FAM110B: variants seen among roughly 807,000 people sequenced by gnomAD.
The protein encoded by FAM110B is family with sequence similarity 110 member B, also known as protein FAM110B.
Under a neutral mutation model 20.4 loss-of-function variants are expected in FAM110B, and 6 were observed. The ratio of observed to expected loss-of-function variants is 0.29; its 90% CI spans 0.16 to 0.58. The LOEUF (loss-of-function observed/expected upper bound fraction) is 0.58, where lower values mean the gene tolerates loss of function less well. FAM110B is among the 20% of genes least tolerant of loss of function. The pLI is 0.90. For missense variants in FAM110B, 434 were observed against 498.2 expected, an observed-to-expected ratio of 0.87 and a Z score of 1.23; for synonymous variants, 226 against 214.1, an observed-to-expected ratio of 1.06 and a Z score of -0.49.
intron 3 of FAM110B, among the ~76,000 whole-genome samples, chr8:58,140,930 A>C (rs1323075857): frequency 6.6e-6 from 1 of 152,062 alleles, no homozygotes; most frequent in East Asian, 1.9e-4. Flanking sequence ...TCTTTTTTTT[A>C]AGTTCAGGAT....
intron 3 of FAM110B, among the ~76,000 whole-genome samples, chr8:58,115,118 A>G (rs1452520513): frequency 1.3e-5 from 2 of 151,648 alleles, no homozygotes; most frequent in Admixed American, 6.6e-5. Flanking sequence ...AAAATATTTC[A>G]TTGCTCATCG....
intron 1 of FAM110B, among the ~76,000 whole-genome samples, chr8:57,995,533 T>C (rs1804167288): frequency 6.6e-6 from 1 of 152,170 alleles, no homozygotes; most frequent in Non-Finnish European, 1.5e-5. Flanking sequence ...CCATACAGGC[T>C]GTGGGAAGCC....
intron 1 of FAM110B, among the ~76,000 whole-genome samples, chr8:58,028,871 T>G (rs536283616): frequency 6.6e-6 from 1 of 152,190 alleles, no homozygotes; most frequent in East Asian, 1.9e-4. Context: ...GAAAACCGCA[T>G]GTGGATTTAC....
chr8:58,020,957 C>A (rs1804740404), intron 1 of FAM110B, among the ~76,000 whole-genome samples: 1 of 152,152 alleles, frequency 6.6e-6, no homozygotes. Flanking sequence ...CCAGAAAAGG[C>A]TACTTTCTTC....
At chr8:58,138,039 C>T (rs549930504) in intron 3 of FAM110B, among the ~76,000 whole-genome samples, 1 of 152,348 alleles carries the variant, frequency 6.6e-6, no homozygotes, top group East Asian at 1.9e-4. Context: ...TGCTCCTTAT[C>T]AGACGGCTCT....
chr8:58,079,725 G>T (rs528604209), intron 3 of FAM110B, among the ~76,000 whole-genome samples: 21 of 152,044 alleles, frequency 1.4e-4, no homozygotes, highest in African/African-American at 4.8e-4. Context: ...AGGCTGCAGT[G>T]AGCTACGATC....
intron 3 of FAM110B, among the ~76,000 whole-genome samples, chr8:58,140,474 C>A (rs1345312987): frequency 6.6e-6 from 1 of 152,192 alleles, no homozygotes; most frequent in Non-Finnish European, 1.5e-5. Context: ...CGGGGCAGAA[C>A]CATAGGCAGT....
At chr8:58,125,878 T>C (rs551599377) in intron 3 of FAM110B, among the ~76,000 whole-genome samples, 12 of 152,012 alleles carry the variant, frequency 7.9e-5, no homozygotes, top group African/African-American at 2.9e-4. Flanking sequence ...GTTGCAAAGA[T>C]GGTAGAAGTT....
At chr8:58,056,724 A>C (rs1425667611) in intron 2 of FAM110B, among the ~76,000 whole-genome samples, 1 of 152,196 alleles carries the variant, frequency 6.6e-6, no homozygotes, top group Non-Finnish European at 1.5e-5. Flanking sequence ...AAATTGTCAT[A>C]CTAATGCATA....
chr8:58,051,051 T>A (rs1805430821), intron 2 of FAM110B, among the ~76,000 whole-genome samples: 1 of 152,244 alleles, frequency 6.6e-6, no homozygotes, highest in East Asian at 1.9e-4. Flanking sequence ...CATGCAGAGA[T>A]GTTCTTAATT....
At chr8:58,056,372 A>T (rs965265851) in intron 2 of FAM110B, among the ~76,000 whole-genome samples, 2 of 152,208 alleles carry the variant, frequency 1.3e-5, no homozygotes, top group Admixed American at 1.3e-4. Flanking sequence ...TTGGCTTTCT[A>T]GTGCCATTTC....
intron 3 of FAM110B, among the ~76,000 whole-genome samples, chr8:58,133,047 T>G (rs1348981942): frequency 1.3e-5 from 2 of 152,190 alleles, no homozygotes; most frequent in Non-Finnish European, 2.9e-5. Flanking sequence ...ACATTTTATT[T>G]TAATGTATAT....
intron 2 of FAM110B, among the ~76,000 whole-genome samples, chr8:58,057,787 ATT>A (rs1199259342): frequency 6.6e-6 from 1 of 152,208 alleles, no homozygotes; most frequent in Non-Finnish European, 1.5e-5. Context: ...GCTTCATGGA[ATT>A]TTGCAAGGAT....
At chr8:58,089,593 A>ATGG (rs1173849595) in intron 3 of FAM110B, among the ~76,000 whole-genome samples, 6 of 152,232 alleles carry the variant, frequency 3.9e-5, no homozygotes, top group Non-Finnish European at 7.3e-5. Context: ...CATCAAAATA[A>ATGG]TTATGGCAAT....
chr8:58,019,385 AAAG>A (rs1373445513), intron 1 of FAM110B, among the ~76,000 whole-genome samples: 3 of 151,120 alleles, frequency 2.0e-5, no homozygotes, highest in Non-Finnish European at 4.4e-5. Context: ...AAAGAAAAGA[AAAG>A]AAAGAAAAAA....
chr8:58,127,736 T>C (rs1410675050), intron 3 of FAM110B, among the ~76,000 whole-genome samples: 1 of 152,064 alleles, frequency 6.6e-6, no homozygotes, highest in Non-Finnish European at 1.5e-5. Context: ...TACTTAAAAA[T>C]AAATCTAATA....
chr8:58,068,352 C>G (rs1805817400), intron 2 of FAM110B, among the ~76,000 whole-genome samples: 1 of 152,214 alleles, frequency 6.6e-6, no homozygotes, highest in African/African-American at 2.4e-5. Context: ...TGTTTGCATT[C>G]CAGCACAAGT....
chr8:58,005,237 A>C (rs2150563390), intron 1 of FAM110B, among the ~76,000 whole-genome samples: 1 of 152,278 alleles, frequency 6.6e-6, no homozygotes, highest in South Asian at 2.1e-4. Flanking sequence ...GAGCAGAGGA[A>C]GAGATTGGGG....
At chr8:58,123,219 T>G (rs1807407696) in intron 3 of FAM110B, among the ~76,000 whole-genome samples, 1 of 152,004 alleles carries the variant, frequency 6.6e-6, no homozygotes, top group Admixed American at 6.6e-5. Context: ...TAGGGTGGGG[T>G]TTCAGGAGCC....
Sources: allele counts gnomAD v4.1 joint callset (sites outside exome capture counted in the v4.1 genomes callset), GRCh38; gene constraint gnomAD v4.1.1; transcripts MANE v1.5; gene names NCBI Gene and HGNC (gene_info 2026-07-23, HGNC 2026-07-21).